Variants in SS18 observed in about 807,000 individuals in gnomAD.
SS18 encodes protein SSXT.
SS18 carries 28 observed loss-of-function variants against 72.5 expected under a neutral mutation model. The ratio of observed to expected loss-of-function variants is 0.39; its 90% confidence interval spans 0.29 to 0.53. SS18 has a LOEUF of 0.53. SS18 is among the 20% of genes least tolerant of loss of function. The pLI is 0.76. For synonymous variants in SS18, 172 were observed against 164.2 expected, an observed-to-expected ratio of 1.05 and a Z score of -0.37; for missense variants, 518 against 535.3, an observed-to-expected ratio of 0.97 and a Z score of 0.32.
At chr18:26,064,196 C>A (rs1385153794) in intron 3 of SS18, among the ~76,000 whole-genome samples, 1 of 152,008 alleles carries the variant, frequency 6.6e-6, no homozygotes, top group Non-Finnish European at 1.5e-5. Context: ...GACTCAGATA[C>A]CTTCAATAGA....
At position 26,016,755 on chromosome 18, in the gene SS18, CA is replaced by C; in HGVS notation, c.*1598del. ...AAAAACAAAGAACAAAAAACAAAAA[CA>C]AAAAAACCTGTTCTGACCTTGAAAC... is the stretch of plus-strand genomic sequence containing the variant. On this transcript the variant is annotated 3_prime_UTR_variant, in exon 11 of 11. Transcript: ENST00000415083. The C allele has an allele frequency of 4.4e-6, 1 of 227,770 alleles. No individual in the cohort carries two copies. Among genetic ancestry groups the C allele is most frequent in the Non-Finnish European group, 8.7e-6 (1 of 114,576 alleles). The allele number at this position is 227,770 out of a possible 1,614,324, so 14.1% of individuals were successfully genotyped here.
chr18:26,056,727 C>G (rs2054028589), intron 4 of SS18, among the ~76,000 whole-genome samples: 1 of 152,166 alleles, frequency 6.6e-6, no homozygotes, highest in African/African-American at 2.4e-5. Context: ...TCCATTACTG[C>G]TAGTTGTATA....
At chr18:26,071,650 A>C (rs548979985) in intron 3 of SS18, among the ~76,000 whole-genome samples, 2 of 152,254 alleles carry the variant, frequency 1.3e-5, no homozygotes, top group Admixed American at 6.5e-5. Context: ...GGGCGATATA[A>C]GACCCCATTT....
chr18:26,035,613 G>T lies in SS18; in HGVS notation c.973+218C>A. The T allele has an allele frequency of 2.6e-6, 1 of 388,520 alleles. No homozygotes were observed. Among genetic ancestry groups the T allele is most frequent in the South Asian group, 9.4e-5 (1 of 10,612 alleles). The allele number at this position is 388,520 out of a possible 1,614,324, so 24.1% of individuals were successfully genotyped here. On this transcript the variant is annotated intron_variant, in intron 8 of 10. Coordinates refer to ENST00000415083, the MANE Select transcript of SS18 (RefSeq NM_001007559.3). This position sits in a 1 kb window ranked among gnomAD's most constrained non-coding sequence, Gnocchi z 4.4. ...GGAAAAAATTATCTTTAATGTTTTA[G>T]TCTTTTTATTATTGTTAGAAATGGC...
At chr18:26,031,092 A>G (rs2053535637) in intron 10 of SS18, among the ~76,000 whole-genome samples, 2 of 152,214 alleles carry the variant, frequency 1.3e-5, no homozygotes, top group South Asian at 2.1e-4. Flanking sequence ...CACTTTTTAA[A>G]AAGTTTACCT....
chr18:26,077,862 C>G (rs139972858), intron 3 of SS18, among the ~76,000 whole-genome samples: 33 of 152,062 alleles, frequency 2.2e-4, no homozygotes, highest in Non-Finnish European at 3.7e-4. Flanking sequence ...AACAGGTAAA[C>G]GAATATAACC....
intron 9 of SS18, 40 bp from the exon 10 acceptor site, chr18:26,032,572 TA>T (rs1197394137): frequency 1.9e-6 from 3 of 1,607,608 alleles, no homozygotes; most frequent in African/African-American, 2.7e-5. Context: ...CATAAAAAGG[TA>T]AGTCCCTAGA....
intron 10 of SS18, among the ~76,000 whole-genome samples, chr18:26,028,341 C>T (rs930825184): frequency 2.0e-5 from 3 of 152,186 alleles, no homozygotes; most frequent in Non-Finnish European, 4.4e-5. Flanking sequence ...TGAAATCATA[C>T]ACTGCTGGTA....
At chr18:26,059,655 G>C (rs902320915) in intron 3 of SS18, among the ~76,000 whole-genome samples, 4 of 152,172 alleles carry the variant, frequency 2.6e-5, no homozygotes, top group Non-Finnish European at 5.9e-5. Flanking sequence ...AATTGAAATA[G>C]ATCAGCCCTA....
At chr18:26,082,673 A>C (rs2054546472) in intron 2 of SS18, 1 of 209,902 alleles carries the variant, frequency 4.8e-6, no homozygotes, top group African/African-American at 2.4e-5. Context: ...CATGCGCTCC[A>C]CAAGTGATTC....
At chr18:26,032,373 A>G (rs776088570) in intron 10 of SS18, 26 bp downstream of exon 10, 2 of 1,607,582 alleles carry the variant, frequency 1.2e-6, no homozygotes, top group African/African-American at 2.7e-5. Context: ...CAATGTGGCA[A>G]TTCTGCAGCC....
At chr18:26,084,080 C>A (rs1314081262) in intron 2 of SS18, 4 of 151,884 alleles carry the variant, frequency 2.6e-5, no homozygotes, top group African/African-American at 9.7e-5. Context: ...CCAGGATGAG[C>A]CTAGAACATT....
At position 26,082,044 on chromosome 18, in the gene SS18, G is replaced by A. The variant is rs563853362; in HGVS notation, c.147-3884C>T. ...CTTGCACTCCAGCCTGGGCAAAAGA[G>A]TGAGATTATGTCTTGAAAAACAAAA... On this transcript the variant is annotated intron_variant, in intron 2 of 10. Transcript: ENST00000415083. Among the ~76,000 whole-genome samples, 13 of 152,148 alleles carry A rather than the reference G, an allele frequency of 8.5e-5. No individual in the cohort carries two copies. In the East Asian group the frequency reaches 2.3e-3, roughly 27 times the overall value.
At chr18:26,022,031 T>C (rs1402215382) in intron 10 of SS18, among the ~76,000 whole-genome samples, 1 of 152,274 alleles carries the variant, frequency 6.6e-6, no homozygotes, top group Middle Eastern at 3.4e-3. Context: ...GTTCCTAAGG[T>C]AGAAATCTGA....
intron 10 of SS18, chr18:26,023,474 A>C: frequency 2.7e-6 from 1 of 368,032 alleles, no homozygotes; most frequent in Non-Finnish European, 5.1e-6. Flanking sequence ...CAATTTGATA[A>C]AGGGAAAATC....
Position 26,017,900 on chromosome 18 carries a change from G to A in SS18, c.*454C>T, listed in dbSNP as rs1036037505. 4.2e-5 allele frequency: 10 copies of A among 236,252 alleles called. No homozygotes were observed. Among genetic ancestry groups the A allele is most frequent in the Non-Finnish European group, 5.8e-5 (7 of 120,036 alleles). The allele number at this position is 236,252 out of a possible 1,614,324, so 14.6% of individuals were successfully genotyped here. ...GATGCTGTCCAGTGCGTAGTGTACC[G>A]CCTTGCATATTCACCACATGAAATA... On this transcript the variant is annotated 3_prime_UTR_variant, in exon 11 of 11. Transcript: ENST00000415083.
In SS18 at chr18:26,088,128, A is replaced by G. The variant is rs1316561114; in HGVS notation, c.70-551T>C. On this transcript the variant is annotated intron_variant, in intron 1 of 10. Coordinates refer to ENST00000415083, the MANE Select transcript of SS18 (RefSeq NM_001007559.3). ...CGTGTTTAATCAATAATGTTTTAAT[A>G]TTCCAATTATTCTCCCTCTGAATAA... Among the ~76,000 whole-genome samples, 4 of 152,342 alleles carry G rather than the reference A, an allele frequency of 2.6e-5. No homozygotes were observed. The East Asian group carries it at 7.7e-4, about 29-fold the overall frequency.
intron 3 of SS18, among the ~76,000 whole-genome samples, chr18:26,077,072 C>A (rs894767528): frequency 8.6e-5 from 13 of 151,902 alleles, no homozygotes; most frequent in Non-Finnish European, 5.9e-5. Flanking sequence ...AGAAATTCAC[C>A]ATTCTGTGAT....
intron 3 of SS18, among the ~76,000 whole-genome samples, chr18:26,066,075 G>C (rs151148931): frequency 0.018 from 2,664 of 151,894 alleles, 38 homozygotes; most frequent in Non-Finnish European, 0.028. Context: ...CCCACTGTCT[G>C]CTCCAACATT....
Sources: allele counts gnomAD v4.1 joint callset (sites outside exome capture counted in the v4.1 genomes callset), GRCh38; gene constraint gnomAD v4.1.1; non-coding constraint Gnocchi (gnomAD v3.1); transcripts MANE v1.5; gene names NCBI Gene and HGNC (gene_info 2026-07-23, HGNC 2026-07-21).